The following ATOX1 variants were observed in gnomAD, a reference collection of about 807,000 sequenced individuals.
The protein encoded by ATOX1 is antioxidant 1 copper chaperone, also known as copper transport protein ATOX1.
ATOX1 carries 4 observed loss-of-function variants against 7.3 expected under a neutral mutation model. That is an observed-to-expected ratio of 0.55 (90% confidence interval 0.27 to 1.25). ATOX1 has a LOEUF of 1.25. Ranked by LOEUF, ATOX1 falls within the 50% of genes most tolerant of loss-of-function variation. ATOX1 has a pLI of 0.12. For missense variants in ATOX1, 68 were observed against 81.6 expected (o/e 0.83, Z 0.64); for synonymous variants, 25 against 28.7 (o/e 0.87, Z 0.41).
At chr5:151,747,580 C>G (rs1230400141) in intron 2 of ATOX1, among the ~76,000 whole-genome samples, 1 of 146,586 alleles carries the variant, frequency 6.8e-6, no homozygotes, top group Non-Finnish European at 1.5e-5. Flanking sequence ...CCACTGCACC[C>G]GGTCCATTCT....
intron 3 of ATOX1, chr5:151,743,757 C>T (rs1009614544): frequency 4.6e-5 from 7 of 152,226 alleles, no homozygotes; most frequent in African/African-American, 1.7e-4. Context: ...ACAGATAGCT[C>T]CAGAAGAGTT....
intron 1 of ATOX1, chr5:151,752,561 T>C: frequency 1.9e-6 from 1 of 538,568 alleles, no homozygotes; most frequent in Non-Finnish European, 3.3e-6. Flanking sequence ...CTGGACAGAG[T>C]AGGTGCTTAA....
chr5:151,746,343 G>A lies in ATOX1; in HGVS notation c.189C>T (p.Ser63=), dbSNP rs762291026. 21 of 1,613,622 alleles carry A rather than the reference G, an allele frequency of 1.3e-5. No homozygotes were observed. Among genetic ancestry groups the A allele is most frequent in the Middle Eastern group, 1.7e-4 (1 of 6,012 alleles). ...GCCCCTGCTACTCAAGGCCAAGGTA[G>A]GAAACAGTCTTTCCTGTTTTCTTCA... The part of the protein sequence containing the change: ...ATLKKTGKTV[S]YLGLE The change falls in exon 3 of 4, where the codon TCC becomes TCT. Residue 63 remains serine, a synonymous_variant. Transcript: ENST00000313115.
At chr5:151,756,091 G>A (rs917288233) in intron 1 of ATOX1, among the ~76,000 whole-genome samples, 1 of 151,876 alleles carries the variant, frequency 6.6e-6, no homozygotes, top group Admixed American at 6.6e-5. Flanking sequence ...ACAGGCGTCC[G>A]CCACCATGCC....
At chr5:151,744,030 T>A (rs1761852556) in intron 3 of ATOX1, 1 of 152,226 alleles carries the variant, frequency 6.6e-6, no homozygotes, top group African/African-American at 2.4e-5. Context: ...AACATTATGC[T>A]ACATGGAAAA....
chr5:151,752,393 G>A (rs1432665939), intron 1 of ATOX1: 3 of 697,658 alleles, frequency 4.3e-6, no homozygotes, highest in South Asian at 3.0e-5. Context: ...GTGGGTTGGA[G>A]GCCAGGCAGG....
intron 2 of ATOX1, among the ~76,000 whole-genome samples, chr5:151,747,700 T>C (rs150851045): frequency 0.01 from 1,583 of 152,106 alleles, 21 homozygotes; most frequent in South Asian, 0.023. Flanking sequence ...TTCTTCTGCC[T>C]CAGCCAGCCT....
intron 2 of ATOX1, among the ~76,000 whole-genome samples, chr5:151,749,063 A>G (rs1761911651): frequency 6.6e-6 from 1 of 152,082 alleles, no homozygotes; most frequent in South Asian, 2.1e-4. Context: ...GCGCCACTGC[A>G]CTCCAGCCTG....
chr5:151,752,357 A>G (rs1397125095), intron 1 of ATOX1: 6 of 698,178 alleles, frequency 8.6e-6, no homozygotes, highest in Non-Finnish European at 1.6e-5. Flanking sequence ...GGGTCCAGGG[A>G]AAGAAAGGAT....
intron 2 of ATOX1, among the ~76,000 whole-genome samples, chr5:151,748,433 TTC>T (rs1394660484): frequency 1.3e-5 from 2 of 152,110 alleles, no homozygotes; most frequent in Admixed American, 6.6e-5. Flanking sequence ...CCTACCACTG[TTC>T]TTTTAGGGCC....
chr5:151,756,326 T>C (rs1762016496), intron 1 of ATOX1, among the ~76,000 whole-genome samples: 1 of 152,156 alleles, frequency 6.6e-6, no homozygotes, highest in Admixed American at 6.6e-5. Context: ...GAGTAGGGCC[T>C]GAATTGAACA....
Position 151,749,052 on chromosome 5 carries a change from C to G in ATOX1, c.83-2603G>C, listed in dbSNP as rs140784645. Among the ~76,000 whole-genome samples the G allele has an allele frequency of 1.5e-3, 231 of 151,988 alleles. 1 individual carries two copies. Among genetic ancestry groups the G allele is most frequent in the Non-Finnish European group, 2.8e-3 (191 of 67,988 alleles). ...AGTTGAGGCTGCAGTGAGCCAAGAC[C>G]GCGCCACTGCACTCCAGCCTGGATG... On this transcript the variant is annotated intron_variant, in intron 2 of 3. Transcript: ENST00000313115.
At position 151,742,927 on chromosome 5, in the gene ATOX1, G is replaced by A. The variant is rs937100464; in HGVS notation, c.*79C>T. 6.6e-6 allele frequency: 1 copy of A among 152,410 alleles called. No individual in the cohort carries two copies. The highest frequency in any genetic ancestry group is 2.4e-5 in the African/African-American group (1 of 41,470). 9.4% of individuals were successfully genotyped at this position (152,410 alleles called of 1,614,324 possible). On this transcript the variant is annotated 3_prime_UTR_variant, in exon 4 of 4. Coordinates refer to ENST00000313115, the MANE Select transcript of ATOX1 (RefSeq NM_004045.4). ...ACCCGGCATGACTGCCAAGTCCCAG[G>A]TCTGTCTGGAAGCCAGCGGGAGGAT...
At chr5:151,746,494 C>A (rs759710128) in intron 2 of ATOX1, 45 bp from the exon 3 acceptor site, 3 of 1,609,886 alleles carry the variant, frequency 1.9e-6, no homozygotes, top group Non-Finnish European at 2.5e-6. Context: ...AGCACAGACC[C>A]TCCCAGTTAC....
intron 3 of ATOX1, chr5:151,743,662 TG>T (rs1251919121): frequency 1.3e-5 from 2 of 152,190 alleles, no homozygotes; most frequent in Non-Finnish European, 2.9e-5. Flanking sequence ...CAAAATAATC[TG>T]GGTGTTTCAT....
chr5:151,743,829 C>G (rs754284815), intron 3 of ATOX1: 1 of 152,090 alleles, frequency 6.6e-6, no homozygotes, highest in Non-Finnish European at 1.5e-5. Context: ...AAATAACAGG[C>G]CTTGGTGAAA....
At chr5:151,749,353 CCT>C (rs1761915296) in intron 2 of ATOX1, among the ~76,000 whole-genome samples, 4 of 150,994 alleles carry the variant, frequency 2.6e-5, no homozygotes, top group Admixed American at 2.6e-4. Flanking sequence ...GGCATGGTGG[CCT>C]GAGCCTGTAA....
chr5:151,758,616 G>A lies in ATOX1; in HGVS notation c.-65C>T, dbSNP rs542063280. ...TGTCAGCAGCGCCTCTCTGGATTCG[G>A]AGGGCGGGTTCGGCTGCGCTTCCGA... On this transcript the variant is annotated 5_prime_UTR_variant, in exon 1 of 4. Transcript: ENST00000313115. 1.5e-5 allele frequency: 21 copies of A among 1,363,212 alleles called. No homozygotes were observed. The South Asian group carries it at 3.4e-4, about 22-fold the overall frequency. 84.4% of individuals were successfully genotyped at this position (1,363,212 alleles called of 1,614,324 possible). A position where few individuals can be genotyped will look rare whatever the true frequency, so the allele number is the denominator to read the frequency against.
chr5:151,749,893 C>T (rs111261351), intron 2 of ATOX1, among the ~76,000 whole-genome samples: 2,353 of 152,236 alleles, frequency 0.015, 53 homozygotes, highest in African/African-American at 0.052. Flanking sequence ...TGCGGGACTA[C>T]GGGCAAGTCA....
Sources: gnomAD v4.1 joint callset for allele counts (sites outside exome capture counted in the v4.1 genomes callset) on GRCh38, gnomAD v4.1.1 for gene constraint, MANE v1.5 for transcripts, NCBI Gene and HGNC (gene_info 2026-07-23, HGNC 2026-07-21) for gene names.